CEP192: variants seen among roughly 807,000 people sequenced by gnomAD.
The protein encoded by CEP192 is centrosomal protein 192.
CEP192 carries 151 observed loss-of-function variants against 271.8 expected under a neutral mutation model. That is an observed-to-expected ratio of 0.56 (90% confidence interval 0.49 to 0.64). The LOEUF (loss-of-function observed/expected upper bound fraction) is 0.64, where lower values mean the gene tolerates loss of function less well. Ranked by LOEUF, CEP192 falls within the 30% of genes least tolerant of loss-of-function variation. The pLI is 0.00. For synonymous variants in CEP192, 995 were observed against 1,076.5 expected (o/e 0.92, Z 1.48); for missense variants, 2,910 against 3,020.5 (o/e 0.96, Z 0.86).
chr18:13,103,760 T>A (rs1462280522), intron 39 of CEP192, 172 bp downstream of exon 39: 4 of 656,072 alleles, frequency 6.1e-6, no homozygotes, highest in Non-Finnish European at 1.1e-5. Flanking sequence ...GTATGAACAC[T>A]GCTCACTGCA....
chr18:13,114,252 G>A lies in CEP192; in HGVS notation c.7289+1G>A, dbSNP rs1372513759. On this transcript the variant is annotated splice_donor_variant, in intron 42 of 44. Transcript: ENST00000506447. LOFTEE classifies it high-confidence loss of function. Reference sequence around the variant, plus strand: ...CAGAGGCTTCTGCTCGCATACCTGAGTATGTTGTTTTTGTCATTCTTATGA... The same window carrying A: ...CAGAGGCTTCTGCTCGCATACCTGAATATGTTGTTTTTGTCATTCTTATGA... 6.2e-7 allele frequency: 1 copy of A among 1,610,370 alleles called. No individual in the cohort carries two copies. The highest frequency in any genetic ancestry group is 1.1e-5 in the South Asian group (1 of 90,016).
In CEP192 at chr18:13,103,549, G is replaced by T; in HGVS notation, c.6912G>T (p.Val2304=). The T allele has an allele frequency of 1.2e-6, 2 of 1,613,978 alleles. No homozygotes were observed. The highest frequency in any genetic ancestry group is 2.7e-5 in the African/African-American group (2 of 75,008). Residue 2304 remains valine, a synonymous_variant, in exon 39 of 45, where the codon GTG becomes GTT. Coordinates refer to ENST00000506447, the MANE Select transcript of CEP192 (RefSeq NM_032142.4). ...TCGAGAATCATGGCACCACAGACGTGAAATGGCATCTGTCATCTTTAGCGC... is the reference window on the plus strand; with the variant it reads ...TCGAGAATCATGGCACCACAGACGTTAAATGGCATCTGTCATCTTTAGCGC... The part of the protein sequence containing the change: ...LELENHGTTD[V]KWHLSSLAPP...
At chr18:13,087,367 CT>C (rs2038945164) in intron 31 of CEP192, 90 bp downstream of exon 31, 1 of 1,200,288 alleles carries the variant, frequency 8.3e-7, no homozygotes, top group African/African-American at 1.5e-5. Flanking sequence ...TAAAATAATA[CT>C]TGAAAATAAT....
intron 9 of CEP192, among the ~76,000 whole-genome samples, chr18:13,029,316 T>C (rs541558513): frequency 1.9e-4 from 29 of 152,360 alleles, no homozygotes; most frequent in African/African-American, 6.7e-4. Context: ...GTCACACTAA[T>C]AGGCTTACCA....
At chr18:13,049,983 C>G in intron 17 of CEP192, 92 bp downstream of exon 17, 1 of 1,058,654 alleles carries the variant, frequency 9.4e-7, no homozygotes, top group Non-Finnish European at 1.4e-6. Flanking sequence ...ATTATCTGTG[C>G]ATTCGTCTCT....
At chr18:13,007,189 G>T (rs1199686930) in intron 3 of CEP192, among the ~76,000 whole-genome samples, 1 of 152,162 alleles carries the variant, frequency 6.6e-6, no homozygotes, top group Non-Finnish European at 1.5e-5. Context: ...GTAAGCGTGG[G>T]TTAGGACTGG....
At chr18:13,096,404 G>A (rs12607152) in intron 36 of CEP192, 97 bp downstream of exon 36, 203,051 of 1,499,728 alleles carry the variant, frequency 0.14, 15,251 homozygotes, top group East Asian at 0.29. Context: ...TTATCCAGTT[G>A]AATTTTGCAC....
chr18:13,114,013 A>G (rs1450772315), intron 41 of CEP192, 117 bp from the exon 42 acceptor site: 7 of 1,231,742 alleles, frequency 5.7e-6, no homozygotes, highest in Non-Finnish European at 7.8e-6. Flanking sequence ...GGATTTAAAA[A>G]TCTTAAATTG....
At chr18:13,018,435 A>G in intron 7 of CEP192, 45 bp from the exon 8 acceptor site, 5 of 1,271,242 alleles carry the variant, frequency 3.9e-6, no homozygotes, top group Non-Finnish European at 5.3e-6. Context: ...AAAATATTTC[A>G]TTTTAATTTA....
intron 30 of CEP192, among the ~76,000 whole-genome samples, chr18:13,084,959 G>A (rs2038823360): frequency 6.6e-6 from 1 of 150,770 alleles, no homozygotes; most frequent in African/African-American, 2.4e-5. Flanking sequence ...GAGACTACAA[G>A]CGCATGCCAC....
intron 9 of CEP192, among the ~76,000 whole-genome samples, chr18:13,029,171 G>T (rs916540510): frequency 1.3e-5 from 2 of 152,222 alleles, no homozygotes; most frequent in East Asian, 3.8e-4. Flanking sequence ...TAGTTTGAAG[G>T]CACTGGATTA....
chr18:13,046,169 C>T (rs886361299), intron 15 of CEP192, among the ~76,000 whole-genome samples: 11 of 152,080 alleles, frequency 7.2e-5, no homozygotes, highest in East Asian at 5.8e-4. Context: ...GAAGGCGAAG[C>T]GGGAGCAGGC....
At chr18:13,044,328 A>G (rs1441966792) in intron 15 of CEP192, among the ~76,000 whole-genome samples, 1 of 152,120 alleles carries the variant, frequency 6.6e-6, no homozygotes, top group Non-Finnish European at 1.5e-5. Context: ...GATGGACCTC[A>G]AAAGAGTATT....
At chr18:12,991,766 T>C (rs981768760) in intron 1 of CEP192, among the ~76,000 whole-genome samples, 1 of 152,234 alleles carries the variant, frequency 6.6e-6, no homozygotes, top group Non-Finnish European at 1.5e-5. Flanking sequence ...TTCCACCTCT[T>C]GAGGGACAGG....
At chr18:13,032,787 T>G (rs990037518) in intron 11 of CEP192, among the ~76,000 whole-genome samples, 1 of 152,102 alleles carries the variant, frequency 6.6e-6, no homozygotes, top group Non-Finnish European at 1.5e-5. Context: ...CACCCTCCCC[T>G]CCCTCAGCCA....
At position 13,019,102 on chromosome 18, in the gene CEP192, G is replaced by A; in HGVS notation, c.946G>A (p.Asp316Asn). The A allele has an allele frequency of 6.5e-7, 1 of 1,539,560 alleles. No homozygotes were observed. The change falls in exon 9 of 45, where the codon GAT (aspartate) becomes AAT (asparagine). Residue 316 changes from aspartate (D) to asparagine (N), a missense_variant. By Grantham distance (23) the Asp-to-Asn change is conservative. Coordinates refer to ENST00000506447, the MANE Select transcript of CEP192 (RefSeq NM_032142.4). ...TTCAGGTAATTCTATAGGTACTGGA[G>A]ATAGTAGAAGGTACACAGATGGTAT... Reference protein sequence around the residue: ...PGTSNSIGTGDSRRYTDGMLP... With the variant: ...PGTSNSIGTGNSRRYTDGMLP...
chr18:13,107,112 G>A (rs1387127574), intron 40 of CEP192, among the ~76,000 whole-genome samples: 1 of 152,142 alleles, frequency 6.6e-6, no homozygotes, highest in East Asian at 1.9e-4. Context: ...TCTTCATAAA[G>A]GTACACATTC....
intron 30 of CEP192, among the ~76,000 whole-genome samples, chr18:13,084,508 G>A (rs189664266): frequency 2.0e-5 from 3 of 152,178 alleles, no homozygotes; most frequent in Non-Finnish European, 4.4e-5. Context: ...GGATTGTCCC[G>A]ATTTTCCAGG....
chr18:13,084,983 T>G (rs1412400784), intron 30 of CEP192, among the ~76,000 whole-genome samples: 11 of 150,158 alleles, frequency 7.3e-5, no homozygotes, highest in Non-Finnish European at 1.3e-4. Context: ...ACCCAGCTAA[T>G]TTTTTGGGTT....
Sources: gnomAD v4.1 joint callset for allele counts (sites outside exome capture counted in the v4.1 genomes callset) on GRCh38, gnomAD v4.1.1 for gene constraint, MANE v1.5 for transcripts, NCBI Gene and HGNC (gene_info 2026-07-23, HGNC 2026-07-21) for gene names.